Variants in OR3A2 observed in about 807,000 individuals in gnomAD.
The protein encoded by OR3A2 is olfactory receptor 3A2.
For missense variants in OR3A2, 318 were observed against 392.8 expected, an observed-to-expected ratio of 0.81 and a Z score of 1.61; for synonymous variants, 126 against 159.3, an observed-to-expected ratio of 0.79 and a Z score of 1.57.
At chr17:3,345,085 G>A (rs2049351106) in intron 2 of OR3A2, among the ~76,000 whole-genome samples, 2 of 152,186 alleles carry the variant, frequency 1.3e-5, no homozygotes, top group Non-Finnish European at 2.9e-5. Context: ...ATAAGATCCA[G>A]AAGACAGGTG....
At chr17:3,324,312 C>T (rs1416327813) in intron 3 of OR3A2, among the ~76,000 whole-genome samples, 2 of 152,016 alleles carry the variant, frequency 1.3e-5, no homozygotes, top group East Asian at 3.9e-4. Flanking sequence ...GAACTTCCTC[C>T]TGTAGCTTGG....
intron 2 of OR3A2, among the ~76,000 whole-genome samples, chr17:3,344,737 A>C (rs1304588190): frequency 1.3e-5 from 2 of 152,116 alleles, no homozygotes; most frequent in Non-Finnish European, 2.9e-5. Context: ...GTGGGGCTGC[A>C]CACCAAGATC....
At chr17:3,359,769 C>A (rs1314432313) in intron 2 of OR3A2, among the ~76,000 whole-genome samples, 6 of 151,592 alleles carry the variant, frequency 4.0e-5, no homozygotes, top group African/African-American at 1.5e-4. Flanking sequence ...TTTATGGCTG[C>A]ATAGTATTCC....
At chr17:3,371,988 G>A (rs541900218) in intron 2 of OR3A2, among the ~76,000 whole-genome samples, 4 of 147,292 alleles carry the variant, frequency 2.7e-5, no homozygotes, top group Non-Finnish European at 3.0e-5. Flanking sequence ...CTTCCCAGAC[G>A]GGGTGGCTGC....
chr17:3,318,328 A>T (rs1051413483), intron 3 of OR3A2, among the ~76,000 whole-genome samples: 20 of 152,214 alleles, frequency 1.3e-4, no homozygotes, highest in African/African-American at 4.8e-4. Context: ...TCTGAAAGAA[A>T]CTGGGACCTT....
intron 2 of OR3A2, among the ~76,000 whole-genome samples, chr17:3,372,363 C>T (rs2150665316): frequency 6.7e-6 from 1 of 149,850 alleles, no homozygotes; most frequent in South Asian, 2.2e-4. Context: ...CAGAGGGGCT[C>T]CTCACGTCCC....
intron 1 of OR3A2, among the ~76,000 whole-genome samples, chr17:3,385,405 C>T (rs1380081617): frequency 6.6e-6 from 1 of 152,030 alleles, no homozygotes; most frequent in Non-Finnish European, 1.5e-5. Flanking sequence ...AGATGATACA[C>T]AGATCACATA....
intron 2 of OR3A2, among the ~76,000 whole-genome samples, chr17:3,343,019 C>T (rs9899543): frequency 0.14 from 20,966 of 152,210 alleles, 1,783 homozygotes; most frequent in African/African-American, 0.24. Context: ...TGGACTGCTG[C>T]GCTAGCAGTG....
At chr17:3,325,434 T>G (rs1163285200) in intron 3 of OR3A2, among the ~76,000 whole-genome samples, 1 of 152,014 alleles carries the variant, frequency 6.6e-6, no homozygotes, top group Non-Finnish European at 1.5e-5. Context: ...GGTCTCAAAC[T>G]CCTGACCTCA....
intron 3 of OR3A2, among the ~76,000 whole-genome samples, chr17:3,324,205 CCATCAG>C (rs1220024679): frequency 2.0e-5 from 3 of 152,096 alleles, no homozygotes; most frequent in Non-Finnish European, 4.4e-5. Flanking sequence ...GTTTTCAGCT[CCATCAG>C]GTCTTTTAAG....
At chr17:3,353,497 G>A (rs903725032) in intron 2 of OR3A2, among the ~76,000 whole-genome samples, 1 of 151,892 alleles carries the variant, frequency 6.6e-6, no homozygotes, top group Admixed American at 6.6e-5. Context: ...CATAGCTGTG[G>A]ATCTGTCATA....
At chr17:3,287,839 C>A (rs1180278954), upstream of OR3A2, among the ~76,000 whole-genome samples, 2 of 151,332 alleles carry the variant, frequency 1.3e-5, no homozygotes, top group African/African-American at 4.9e-5. Flanking sequence ...TATATAATAT[C>A]AATATACTGT....
chr17:3,383,987 TTG>T (rs2049759331), intron 1 of OR3A2: 1 of 40,234 alleles, frequency 2.5e-5, no homozygotes, highest in Admixed American at 3.0e-4. Flanking sequence ...TGAATAAATA[TTG>T]TATACAATAT....
intron 2 of OR3A2, among the ~76,000 whole-genome samples, chr17:3,356,637 T>G (rs957410791): frequency 6.6e-6 from 1 of 151,518 alleles, no homozygotes; most frequent in Non-Finnish European, 1.5e-5. Context: ...ATAAATACTC[T>G]AACAATTGTA....
chr17:3,384,257 G>C (rs1029507984), intron 1 of OR3A2, among the ~76,000 whole-genome samples: 6 of 152,172 alleles, frequency 3.9e-5, no homozygotes, highest in Admixed American at 2.6e-4. Context: ...TTAAATGGGG[G>C]ACAAAATGAG....
chr17:3,339,494 A>C (rs577676717), intron 2 of OR3A2, among the ~76,000 whole-genome samples: 2 of 152,274 alleles, frequency 1.3e-5, no homozygotes, highest in Admixed American at 6.5e-5. Flanking sequence ...AGGATGTTGA[A>C]TTTTGTCAAA....
intron 3 of OR3A2, among the ~76,000 whole-genome samples, chr17:3,330,281 C>T (rs1033654974): frequency 2.7e-5 from 4 of 150,932 alleles, no homozygotes; most frequent in African/African-American, 9.8e-5. Flanking sequence ...GACTTTCTGT[C>T]TCGTTGATCT....
chr17:3,323,838 G>C lies in OR3A2; in HGVS notation c.-85+12195C>G, dbSNP rs944671399. On this transcript the variant is annotated intron_variant, in intron 3 of 4. Coordinates refer to the OR3A2 transcript ENST00000573491. ...GGTGAATCTGACAATTATGTGTTTT[G>C]GAGTTGCTCTTCTCGAGGAGTATCT... 8.6e-5 allele frequency among the ~76,000 whole-genome samples: 13 copies of C among 151,922 alleles called. 1 individual carries two copies. Among genetic ancestry groups the C allele is most frequent in the African/African-American group, 3.2e-4 (13 of 41,268 alleles).
intron 3 of OR3A2, among the ~76,000 whole-genome samples, chr17:3,331,609 C>A: frequency 6.6e-6 from 1 of 151,944 alleles, no homozygotes. Context: ...TCTACTTATA[C>A]ATTCTTCTAA....
Sources: allele counts gnomAD v4.1 joint callset (sites outside exome capture counted in the v4.1 genomes callset), GRCh38; gene constraint gnomAD v4.1.1; transcripts MANE v1.5; gene names NCBI Gene and HGNC (gene_info 2026-07-23, HGNC 2026-07-21).